ZCWPW2: variants seen among roughly 807,000 people sequenced by gnomAD.
ZCWPW2 encodes zinc finger CW-type and PWWP domain containing 2, also known as zinc finger CW-type PWWP domain protein 2.
In ZCWPW2, 45 loss-of-function variants were observed where a neutral mutation model predicts 46.6. The observed-to-expected ratio is 0.96, with a 90% CI of 0.76 to 1.24. The LOEUF is 1.24. Ranked by LOEUF, ZCWPW2 falls within the 50% of genes most tolerant of loss-of-function variation. ZCWPW2 has a pLI of 0.00. For missense variants in ZCWPW2, 429 were observed against 403.9 expected, an observed-to-expected ratio of 1.06 and a Z score of -0.53; for synonymous variants, 152 against 137.1, an observed-to-expected ratio of 1.11 and a Z score of -0.76.
intron 2 of ZCWPW2, among the ~76,000 whole-genome samples, chr3:28,412,437 C>G (rs1209430634): frequency 6.6e-6 from 1 of 151,876 alleles, no homozygotes. Context: ...TTTCCTGAGA[C>G]AGAAGAAGAA....
At chr3:28,354,166 T>G (rs1237445434) in intron 1 of ZCWPW2, among the ~76,000 whole-genome samples, 1 of 151,530 alleles carries the variant, frequency 6.6e-6, no homozygotes, top group Admixed American at 6.6e-5. Context: ...TTCCCTTTCA[T>G]GGGGATATCA....
intron 4 of ZCWPW2, among the ~76,000 whole-genome samples, chr3:28,468,799 G>T (rs910411235): frequency 3.3e-5 from 5 of 152,214 alleles, no homozygotes; most frequent in Admixed American, 1.3e-4. Context: ...CACCAGACCT[G>T]TCCTACAAGA....
At chr3:28,413,439 C>T in intron 3 of ZCWPW2, 39 bp downstream of exon 3, 2 of 1,504,054 alleles carry the variant, frequency 1.3e-6, no homozygotes, top group South Asian at 1.3e-5. Context: ...GAAATGTAGT[C>T]TTGCTAGGTT....
intron 4 of ZCWPW2, among the ~76,000 whole-genome samples, chr3:28,436,325 T>TTC (rs1487974430): frequency 4.4e-5 from 6 of 135,290 alleles, no homozygotes; most frequent in South Asian, 2.2e-4. Context: ...TTTTTTTTCT[T>TTC]TTTTTTTTTT....
At chr3:28,482,735 A>G (rs1192728521) in intron 5 of ZCWPW2, among the ~76,000 whole-genome samples, 1 of 152,070 alleles carries the variant, frequency 6.6e-6, no homozygotes, top group Non-Finnish European at 1.5e-5. Context: ...TTAATTTACA[A>G]TTTCCTAATG....
chr3:28,490,585 G>A (rs566501444), intron 5 of ZCWPW2, among the ~76,000 whole-genome samples: 11 of 152,172 alleles, frequency 7.2e-5, no homozygotes, highest in African/African-American at 1.7e-4. Flanking sequence ...ATCAAGTGCT[G>A]CATGTTGTCA....
At chr3:28,457,803 C>T (rs931289055) in intron 4 of ZCWPW2, among the ~76,000 whole-genome samples, 22 of 152,090 alleles carry the variant, frequency 1.4e-4, no homozygotes, top group African/African-American at 5.3e-4. Context: ...AATTCTACAC[C>T]TTGAAAGCAG....
chr3:28,384,805 G>A (rs891039255), intron 1 of ZCWPW2, among the ~76,000 whole-genome samples: 7 of 151,762 alleles, frequency 4.6e-5, no homozygotes, highest in Non-Finnish European at 7.4e-5. Context: ...TAGTAGAGAC[G>A]GGGTTTTACC....
Position 28,428,199 on chromosome 3 carries a change from C to G in ZCWPW2, c.333-6911C>G, listed in dbSNP as rs1036334214. ...TGTGGTGTGTGAACCTGATAATAAC[C>G]AGAGAGTCTTCTTCATTGAGGTCCT... On this transcript the variant is annotated intron_variant, in intron 3 of 9. Transcript: ENST00000383768. 22 of 152,346 alleles carry G rather than the reference C, an allele frequency of 1.4e-4. 1 individual carries two copies. The highest frequency in any genetic ancestry group is 5.3e-4 in the African/African-American group (22 of 41,428). 9.4% of individuals were successfully genotyped at this position (152,346 alleles called of 1,614,324 possible).
intron 2 of ZCWPW2, among the ~76,000 whole-genome samples, chr3:28,411,581 C>G (rs970530145): frequency 1.3e-5 from 2 of 151,988 alleles, no homozygotes; most frequent in Non-Finnish European, 1.5e-5. Flanking sequence ...TTGTTACACA[C>G]ACACACTTCA....
At chr3:28,355,526 G>A (rs1211351176) in intron 1 of ZCWPW2, among the ~76,000 whole-genome samples, 1 of 152,216 alleles carries the variant, frequency 6.6e-6, no homozygotes, top group Non-Finnish European at 1.5e-5. Flanking sequence ...AACCAAGAAA[G>A]AGCCCGCATT....
chr3:28,377,071 AT>A (rs59460759), intron 1 of ZCWPW2, among the ~76,000 whole-genome samples: 32,557 of 147,894 alleles, frequency 0.22, 3,835 homozygotes, highest in Admixed American at 0.29. Context: ...CTGCATGATG[AT>A]TTTTTTTTTT....
intron 1 of ZCWPW2, among the ~76,000 whole-genome samples, chr3:28,360,566 G>A (rs182067302): frequency 9.4e-5 from 14 of 149,678 alleles, no homozygotes; most frequent in Middle Eastern, 3.5e-3. Context: ...TAAAGAAACA[G>A]CCTCATAAGA....
chr3:28,377,559 A>T (rs1705542811), intron 1 of ZCWPW2, among the ~76,000 whole-genome samples: 1 of 152,062 alleles, frequency 6.6e-6, no homozygotes, highest in African/African-American at 2.4e-5. Context: ...ACAAAATTTT[A>T]CCTTTAAATA....
chr3:28,465,339 G>A (rs1698779094), intron 4 of ZCWPW2, among the ~76,000 whole-genome samples: 2 of 152,140 alleles, frequency 1.3e-5, no homozygotes, highest in Non-Finnish European at 1.5e-5. Context: ...GAGATGCTGA[G>A]TCTTTGCTTC....
chr3:28,508,982 T>C (rs777896809), intron 6 of ZCWPW2, among the ~76,000 whole-genome samples: 2 of 152,220 alleles, frequency 1.3e-5, no homozygotes, highest in African/African-American at 2.4e-5. Flanking sequence ...CAGTTTTTCA[T>C]CACCCTGAAA....
At chr3:28,497,050 T>C (rs1700009118) in intron 6 of ZCWPW2, among the ~76,000 whole-genome samples, 2 of 149,846 alleles carry the variant, frequency 1.3e-5, no homozygotes, top group South Asian at 4.2e-4. Flanking sequence ...CATTATATAA[T>C]ACATTATTTA....
At chr3:28,402,519 T>A (rs1012880622) in intron 2 of ZCWPW2, among the ~76,000 whole-genome samples, 1 of 152,112 alleles carries the variant, frequency 6.6e-6, no homozygotes, top group African/African-American at 2.4e-5. Context: ...TTTCACAAGA[T>A]AAAGAAAGAG....
chr3:28,354,547 C>CA (rs1316435709), intron 1 of ZCWPW2, among the ~76,000 whole-genome samples: 1 of 128,878 alleles, frequency 7.8e-6, no homozygotes, highest in African/African-American at 2.8e-5. Context: ...AGAGACACAA[C>CA]AAAAAAAGAG....
Sources: allele counts gnomAD v4.1 joint callset (sites outside exome capture counted in the v4.1 genomes callset), GRCh38; gene constraint gnomAD v4.1.1; transcripts MANE v1.5; gene names NCBI Gene and HGNC (gene_info 2026-07-23, HGNC 2026-07-21).